PNPLA8: variants seen among roughly 807,000 people sequenced by gnomAD.
PNPLA8 encodes the protein calcium-independent phospholipase A2-gamma.
In PNPLA8, 39 loss-of-function variants were observed where a neutral mutation model predicts 76.9. That is an observed-to-expected ratio of 0.51 (90% CI 0.39 to 0.66). PNPLA8 has a LOEUF of 0.66. Ranked by LOEUF, PNPLA8 falls within the 30% of genes least tolerant of loss-of-function variation. The pLI, the probability that PNPLA8 is intolerant of heterozygous loss-of-function variation, is 0.00. For synonymous variants in PNPLA8, 301 were observed against 307.9 expected, an observed-to-expected ratio of 0.98 and a Z score of 0.24; for missense variants, 887 against 918.0, an observed-to-expected ratio of 0.97 and a Z score of 0.44.
At chr7:108,518,720 A>AATATATATAT (rs148834592) in intron 2 of PNPLA8, among the ~76,000 whole-genome samples, 11 of 123,950 alleles carry the variant, frequency 8.9e-5, no homozygotes, top group South Asian at 2.8e-4. Flanking sequence ...TATGCACATG[A>AATATATATAT]ATATATATAT....
chr7:108,525,504 CAG>C (rs1385816686), intron 1 of PNPLA8, among the ~76,000 whole-genome samples: 1 of 152,198 alleles, frequency 6.6e-6, no homozygotes, highest in African/African-American at 2.4e-5. Context: ...CACTGCAACA[CAG>C]TGATTCATAC....
rs181491667 is a variant in PNPLA8 at position 108,518,149 on chromosome 7, G to C, written c.-83-2575C>G. The C allele has an allele frequency of 2.0e-5, 3 of 152,296 alleles. No homozygotes were observed. The East Asian group carries it at 5.8e-4, about 29-fold the overall frequency. The allele number at this position is 152,296 out of a possible 1,614,324, so 9.4% of individuals were successfully genotyped here. A position where few individuals can be genotyped will look rare whatever the true frequency, so the allele number is the denominator to read the frequency against. ...AGAAGGGCACTAATCTCATTCCTAA[G>C]GGCTACACCCTCCTGACCTAATCAC... On this transcript the variant is annotated intron_variant, in intron 2 of 10. Coordinates refer to ENST00000257694, the MANE Select transcript of PNPLA8 (RefSeq NM_001256007.3).
intron 2 of PNPLA8, 134 bp from the exon 3 acceptor site, chr7:108,515,708 G>T: frequency 2.8e-6 from 1 of 360,588 alleles, no homozygotes; most frequent in Non-Finnish European, 4.7e-6. Context: ...TATTATAGCT[G>T]ATAGAAAATT....
chr7:108,494,561 G>A (rs900905131), intron 7 of PNPLA8, among the ~76,000 whole-genome samples: 2 of 152,150 alleles, frequency 1.3e-5, no homozygotes, highest in African/African-American at 2.4e-5. Context: ...TAACTGCATA[G>A]TATTCCACAA....
intron 4 of PNPLA8, among the ~76,000 whole-genome samples, chr7:108,507,066 G>T (rs1050124748): frequency 2.0e-5 from 3 of 152,094 alleles, no homozygotes; most frequent in Admixed American, 6.5e-5. Context: ...GGTGAGGCTG[G>T]GAGCGGTGGC....
intron 9 of PNPLA8, among the ~76,000 whole-genome samples, chr7:108,485,544 T>C (rs962789601): frequency 4.6e-5 from 7 of 152,130 alleles, no homozygotes; most frequent in African/African-American, 1.7e-4. Context: ...AAAATGAGAC[T>C]GGTAATAATT....
chr7:108,520,836 G>T (rs1863683192), intron 2 of PNPLA8, among the ~76,000 whole-genome samples: 1 of 152,118 alleles, frequency 6.6e-6, no homozygotes, highest in Middle Eastern at 3.4e-3. Flanking sequence ...AGTCCACAAT[G>T]AAAATAATAC....
At position 108,472,533 on chromosome 7, in the gene PNPLA8, T is replaced by G. The variant is rs201092890; in HGVS notation, c.2217A>C (p.Glu739Asp). ...QLQLEGLKYI[E>D]RNEQKMKKVA... ...CTTTTTTCATTTTTTGTTCATTTCT[T>G]TCTATGTATTTCAACCCTTCCAACT... Residue 739 changes from glutamate (E) to aspartate (D), a missense_variant, in exon 11 of 11, where the codon GAA becomes GAC. Transcript: ENST00000257694. 6.2e-7 allele frequency: 1 copy of G among 1,612,186 alleles called. No individual in the cohort carries two copies. The highest frequency in any genetic ancestry group is 2.2e-5 in the East Asian group (1 of 44,840).
chr7:108,481,681 T>C (rs1430850619), intron 9 of PNPLA8, among the ~76,000 whole-genome samples: 1 of 152,216 alleles, frequency 6.6e-6, no homozygotes, highest in Non-Finnish European at 1.5e-5. Flanking sequence ...ATTTTTAATT[T>C]TGATGAAGTC....
chr7:108,485,061 CT>C (rs1371860343), intron 9 of PNPLA8, among the ~76,000 whole-genome samples: 6 of 152,078 alleles, frequency 3.9e-5, no homozygotes, highest in Admixed American at 2.0e-4. Context: ...TGAACAAAAA[CT>C]TTTGTGATGT....
intron 8 of PNPLA8, among the ~76,000 whole-genome samples, chr7:108,490,375 T>TTTATAGCCTAGGA (rs1253372639): frequency 2.2e-5 from 3 of 139,508 alleles, no homozygotes; most frequent in South Asian, 2.3e-4. Context: ...CACTCTATAA[T>TTTATAGCCTAGGA]ACTTGCACAA....
At chr7:108,497,705 T>C (rs1861644989) in intron 5 of PNPLA8, 128 bp from the exon 6 acceptor site, 1 of 457,586 alleles carries the variant, frequency 2.2e-6, no homozygotes, top group Non-Finnish European at 3.7e-6. Context: ...ATAATATAAA[T>C]CAAAATCAGT....
intron 10 of PNPLA8, among the ~76,000 whole-genome samples, chr7:108,477,580 C>A (rs922833889): frequency 1.3e-5 from 2 of 152,148 alleles, no homozygotes; most frequent in Admixed American, 6.5e-5. Context: ...AACCTCAAGG[C>A]AAGGCCCAGT....
rs372867841 is a variant in PNPLA8 at position 108,496,711 on chromosome 7, C to G, written c.1498G>C (p.Asp500His). ...FMLGLFHMPLDECEELYRKLG... is the reference protein window; with the variant it reads ...FMLGLFHMPLHECEELYRKLG... The stretch of plus-strand genomic sequence containing the variant: ...TTTCGATAAAGTTCCTCACATTCAT[C>G]CAAGGGCATATGAAACAACCCCAAC... Residue 500 changes from aspartate (D) to histidine (H), a missense_variant, in exon 7 of 11, where the codon GAT becomes CAT. Asp to His is a moderately conservative substitution (Grantham distance 81). Transcript: ENST00000257694. 1.8e-5 allele frequency: 29 copies of G among 1,611,146 alleles called. No homozygotes were observed. The highest frequency in any genetic ancestry group is 2.5e-5 in the Non-Finnish European group (29 of 1,178,744).
intron 4 of PNPLA8, 85 bp downstream of exon 4, chr7:108,514,059 A>ACTTT: frequency 1.1e-6 from 1 of 905,444 alleles, no homozygotes; most frequent in Non-Finnish European, 1.7e-6. Context: ...AAATGGAAAA[A>ACTTT]TGAAAGGCTT....
In PNPLA8 at chr7:108,511,892, T is replaced by A. The variant is rs551204032; in HGVS notation, c.1206+2252A>T. Among the ~76,000 whole-genome samples, 16 of 152,374 alleles carry A rather than the reference T, an allele frequency of 1.1e-4. No homozygotes were observed. The South Asian group carries it at 3.3e-3, about 32-fold the overall frequency. On this transcript the variant is annotated intron_variant, in intron 4 of 10. Transcript: ENST00000257694. Reference sequence around the variant, plus strand: ...CATAGAATGATTTCTGAAGGAATACTGTGCAGACATTACTAATGTTCACCA... The same window carrying A: ...CATAGAATGATTTCTGAAGGAATACAGTGCAGACATTACTAATGTTCACCA...
chr7:108,485,550 T>A (rs1860686875), intron 9 of PNPLA8, among the ~76,000 whole-genome samples: 5 of 152,166 alleles, frequency 3.3e-5, no homozygotes, highest in Admixed American at 3.3e-4. Context: ...AGACTGGTAA[T>A]AATTGAATAT....
intron 7 of PNPLA8, among the ~76,000 whole-genome samples, chr7:108,494,863 T>G (rs1257637835): frequency 6.6e-6 from 1 of 152,188 alleles, no homozygotes; most frequent in African/African-American, 2.4e-5. Flanking sequence ...GGTTAATATA[T>G]TTACAATACA....
chr7:108,514,235 C>G lies in PNPLA8; in HGVS notation c.1115G>C (p.Arg372Thr), dbSNP rs772711989. ...RTRALVQALR[R>T]TTDPKLCITR... The stretch of plus-strand genomic sequence containing the variant: ...AATGCAGAGCTTTGGGTCAGTTGTT[C>G]TTCTTAATGCCTGAACTAATGCCCG... The change falls in exon 4 of 11, where the codon AGA becomes ACA. Residue 372 changes from arginine to threonine, a missense_variant. Transcript: ENST00000257694. 2.5e-5 allele frequency: 41 copies of G among 1,610,378 alleles called. No individual in the cohort carries two copies. The highest frequency in any genetic ancestry group is 3.3e-5 in the Non-Finnish European group (39 of 1,176,734).
Sources: allele counts gnomAD v4.1 joint callset (sites outside exome capture counted in the v4.1 genomes callset), GRCh38; gene constraint gnomAD v4.1.1; transcripts MANE v1.5; gene names NCBI Gene and HGNC (gene_info 2026-07-23, HGNC 2026-07-21).